Variants in TWIST1 observed in about 807,000 individuals in gnomAD.
TWIST1 encodes the protein twist-related protein 1.
In TWIST1, 8 loss-of-function variants were observed where a neutral mutation model predicts 12.9. That is an observed-to-expected ratio of 0.62 (90% confidence interval 0.37 to 1.12). The LOEUF (loss-of-function observed/expected upper bound fraction) is 1.12, where lower values mean the gene tolerates loss of function less well. TWIST1 is among the 50% of genes most tolerant of loss of function. The pLI, the probability that TWIST1 is intolerant of heterozygous loss-of-function variation, is 0.02. For missense variants in TWIST1, 268 were observed against 299.7 expected (o/e 0.89, Z 0.78); for synonymous variants, 169 against 138.7 (o/e 1.22, Z -1.54).
Position 19,117,551 on chromosome 7 carries a change from A to G in TWIST1, c.-230T>C. 2 of 1,140,498 alleles carry G rather than the reference A, an allele frequency of 1.8e-6. No homozygotes were observed. The highest frequency in any genetic ancestry group is 2.2e-6 in the Non-Finnish European group (2 of 919,916). 70.6% of individuals were successfully genotyped at this position (1,140,498 alleles called of 1,614,324 possible). ...GTGGATGGCCCCGAGGTCCAAAAAG[A>G]AAGCGCCCAACGGCTGGACGCACAC... On this transcript the variant is annotated 5_prime_UTR_variant, in exon 1 of 2. Transcript: ENST00000242261.
At position 19,117,325 on chromosome 7, in the gene TWIST1, T is replaced by A; in HGVS notation, c.-4A>T. On this transcript the variant is annotated 5_prime_UTR_variant, in exon 1 of 2. Coordinates refer to ENST00000242261, the MANE Select transcript of TWIST1 (RefSeq NM_000474.4). ...AGCTGGACACGTCCTGCATCATCTCTCGAGCGGCGACGCGTGGCCTCGCGG... is the reference window on the plus strand; with the variant it reads ...AGCTGGACACGTCCTGCATCATCTCACGAGCGGCGACGCGTGGCCTCGCGG... 6.8e-7 allele frequency: 1 copy of A among 1,461,108 alleles called. No individual in the cohort carries two copies. The highest frequency in any genetic ancestry group is 9.0e-7 in the Non-Finnish European group (1 of 1,108,694). 90.5% of individuals were successfully genotyped at this position (1,461,108 alleles called of 1,614,324 possible).
rs761167660 is a variant in TWIST1, at chr7:19,117,269, C to T, written c.53G>A (p.Ser18Asn). ...SPVSPADDSL[S>N]NSEEEPDRQQ... The stretch of plus-strand genomic sequence containing the variant: ...CCGGTCTGGCTCTTCCTCGCTGTTG[C>T]TCAGGCTGTCGTCGGCCGGCGAGAC... Residue 18 changes from serine (S) to asparagine (N), a missense_variant, in exon 1 of 2, where the codon AGC becomes AAC. By Grantham distance (46) the Ser-to-Asn change is conservative. Transcript: ENST00000242261. 72 of 1,473,498 alleles carry T rather than the reference C, an allele frequency of 4.9e-5. No homozygotes were observed. The highest frequency in any genetic ancestry group is 6.2e-5 in the Non-Finnish European group (69 of 1,116,202). 91.3% of individuals were successfully genotyped at this position (1,473,498 alleles called of 1,614,324 possible).
chr7:19,116,522 G>T (rs1005793813), intron 1 of TWIST1, 149 bp downstream of exon 1: 4 of 703,772 alleles, frequency 5.7e-6, no homozygotes, highest in African/African-American at 5.4e-5. Context: ...GGGGACGCTG[G>T]GGGCGCGAGG....
At position 19,117,297 on chromosome 7, in the gene TWIST1, G is replaced by A; in HGVS notation, c.25C>T (p.Pro9Ser). Reference sequence around the variant, plus strand: ...AGGCTGTCGTCGGCCGGCGAGACTGGCGAGCTGGACACGTCCTGCATCATC... The same window carrying A: ...AGGCTGTCGTCGGCCGGCGAGACTGACGAGCTGGACACGTCCTGCATCATC... MMQDVSSSPVSPADDSLSN... is the reference protein window; with the variant it reads MMQDVSSSSVSPADDSLSN... Residue 9 changes from proline to serine, a missense_variant, in exon 1 of 2, where the codon CCA becomes TCA. Around this residue, in one of 2 missense-constraint regions of TWIST1, gnomAD observed 189 missense variants for 172.1 expected, o/e 1.10. Coordinates refer to ENST00000242261, the MANE Select transcript of TWIST1 (RefSeq NM_000474.4). 3 of 1,476,072 alleles carry A rather than the reference G, an allele frequency of 2.0e-6. No individual in the cohort carries two copies. Among genetic ancestry groups the A allele is most frequent in the Non-Finnish European group, 2.7e-6 (3 of 1,117,104 alleles). The allele number at this position is 1,476,072 out of a possible 1,614,324, so 91.4% of individuals were successfully genotyped here.
In TWIST1 at chr7:19,116,666, C is replaced by G. The variant is rs757830026; in HGVS notation, c.*42+5G>C. 6.4e-7 allele frequency: 1 copy of G among 1,556,524 alleles called. No homozygotes were observed. The highest frequency in any genetic ancestry group is 1.2e-5 in the South Asian group (1 of 84,760). On this transcript the variant is annotated splice_donor_5th_base_variant and intron_variant, in intron 1 of 1. Coordinates refer to ENST00000242261, the MANE Select transcript of TWIST1 (RefSeq NM_000474.4). ...GGCGAAGGGGTGCAGCGGCGCGGTC[C>G]TTACCTAGGTCTCCGGCCCTGCTGA...
Position 19,117,503 on chromosome 7 carries a change from A to C in TWIST1, c.-182T>G. 1 of 1,151,218 alleles carries C rather than the reference A, an allele frequency of 8.7e-7. No homozygotes were observed. The highest frequency in any genetic ancestry group is 1.1e-6 in the Non-Finnish European group (1 of 925,770). The allele number at this position is 1,151,218 out of a possible 1,614,324, so 71.3% of individuals were successfully genotyped here. On this transcript the variant is annotated 5_prime_UTR_variant, in exon 1 of 2. Transcript: ENST00000242261. ...GGGCGCGCGGGGGAGGCGGGGAGGG[A>C]GGCGGGAGGGGGAGGGGACGGTGTG...
At chr7:19,116,511 C>T (rs901268371) in intron 1 of TWIST1, among the ~76,000 whole-genome samples, 160 bp downstream of exon 1, 1 of 152,132 alleles carries the variant, frequency 6.6e-6, no homozygotes, top group African/African-American at 2.4e-5. Flanking sequence ...ACCGGCCTTC[C>T]GGGGACGCTG....
At chr7:19,116,421 C>A (rs565381752) in intron 1 of TWIST1, among the ~76,000 whole-genome samples, 19 of 152,340 alleles carry the variant, frequency 1.2e-4, no homozygotes, top group African/African-American at 4.1e-4. Flanking sequence ...TGTCTCCCCT[C>A]CTGTCACGCA....
Position 19,117,171 on chromosome 7 carries a change from C to T in TWIST1, c.151G>A (p.Gly51Arg). 4 of 1,106,776 alleles carry T rather than the reference C, an allele frequency of 3.6e-6. No homozygotes were observed. The highest frequency in any genetic ancestry group is 4.4e-6 in the Non-Finnish European group (4 of 912,260). 68.6% of individuals were successfully genotyped at this position (1,106,776 alleles called of 1,614,324 possible). The change falls in exon 1 of 2, where the codon GGG becomes AGG. Residue 51 changes from glycine (G) to arginine (R), a missense_variant. Physicochemically the swap from Gly to Arg is moderately radical, Grantham distance 125 (BLOSUM62 -2). Coordinates refer to ENST00000242261, the MANE Select transcript of TWIST1 (RefSeq NM_000474.4). ...SSRRSAGGGA[G>R]PGGAAGGGVG... ...CCCCCACCCGCGGCTCCGCCGGGCCCCGCGCCGCCGCCCGCGCTGCGCCTG... is the reference window on the plus strand; with the variant it reads ...CCCCCACCCGCGGCTCCGCCGGGCCTCGCGCCGCCGCCCGCGCTGCGCCTG...
chr7:19,113,531 G>A (rs960295254), downstream of TWIST1: 2 of 152,142 alleles, frequency 1.3e-5, no homozygotes, highest in Non-Finnish European at 2.9e-5. Flanking sequence ...AGAATTTCAC[G>A]ATTTATGTCT....
chr7:19,117,395 T>C lies in TWIST1; in HGVS notation c.-74A>G. ...AGCGGGGCGCCTCAGCCCGCCAGCT[T>C]CCCCCGCGCGCGGCGCCGGCCCGGG... On this transcript the variant is annotated 5_prime_UTR_variant, in exon 1 of 2. Coordinates refer to ENST00000242261, the MANE Select transcript of TWIST1 (RefSeq NM_000474.4). The C allele has an allele frequency of 7.7e-7, 1 of 1,297,318 alleles. No individual in the cohort carries two copies. Among genetic ancestry groups the C allele is most frequent in the Non-Finnish European group, 9.8e-7 (1 of 1,018,212 alleles). 80.4% of individuals were successfully genotyped at this position (1,297,318 alleles called of 1,614,324 possible).
downstream of TWIST1, among the ~76,000 whole-genome samples, chr7:19,114,642 G>C (rs1054618781): frequency 6.6e-6 from 1 of 152,132 alleles, no homozygotes; most frequent in South Asian, 2.1e-4. Flanking sequence ...GTGTATGTAT[G>C]ATCTCACCAG....
Position 19,117,053 on chromosome 7 carries a change from C to G in TWIST1, c.269G>C (p.Gly90Ala), listed in dbSNP as rs1437382015. ...CCCGCCGCCGCTGCTGCTGCCGCCG[C>G]CGCCGCCCGCGCCGCCGCCGCCGCC... Reference protein sequence around the residue: ...GCGGGGGAGGGGGSSSGGGSP... With the variant: ...GCGGGGGAGGAGGSSSGGGSP... Residue 90 changes from glycine (G) to alanine (A), a missense_variant, in exon 1 of 2, where the codon GGC becomes GCC. Gly to Ala is a moderately conservative substitution (Grantham distance 60, BLOSUM62 0). Coordinates refer to ENST00000242261, the MANE Select transcript of TWIST1 (RefSeq NM_000474.4). 2.1e-6 allele frequency: 3 copies of G among 1,417,430 alleles called. No homozygotes were observed. The Admixed American group carries it at 9.4e-5, about 45-fold the overall frequency. The allele number at this position is 1,417,430 out of a possible 1,614,324, so 87.8% of individuals were successfully genotyped here.
chr7:19,117,487 GGGGAGGCGGGGA>G lies in TWIST1; in HGVS notation c.-178_-167del, dbSNP rs1158095976. The stretch of plus-strand genomic sequence containing the variant: ...GGGACCTCCGCGGGGAGGGCGCGCG[GGGGAGGCGGGGA>G]GGGAGGCGGGAGGGGGAGGGGACGG... On this transcript the variant is annotated 5_prime_UTR_variant, in exon 1 of 2. Transcript: ENST00000242261. The G allele has an allele frequency of 1.3e-5, 15 of 1,191,854 alleles. No individual in the cohort carries two copies. The highest frequency in any genetic ancestry group is 4.9e-5 in the African/African-American group (3 of 61,558). The allele number at this position is 1,191,854 out of a possible 1,614,324, so 73.8% of individuals were successfully genotyped here. A position where few individuals can be genotyped will look rare whatever the true frequency, so the allele number is the denominator to read the frequency against.
Position 19,116,853 on chromosome 7 carries a change from C to T in TWIST1, c.469G>A (p.Asp157Asn). 6.2e-7 allele frequency: 1 copy of T among 1,614,126 alleles called. No homozygotes were observed. Among genetic ancestry groups the T allele is most frequent in the Non-Finnish European group, 8.5e-7 (1 of 1,179,992 alleles). Reference sequence around the variant, plus strand: ...CTCTGGAGGACCTGGTAGAGGAAGTCGATGTACCTGGCCGCCAGCTTGAGG... The same window carrying T: ...CTCTGGAGGACCTGGTAGAGGAAGTTGATGTACCTGGCCGCCAGCTTGAGG... ...QTLKLAARYI[D>N]FLYQVLQSDE... The change falls in exon 1 of 2, where the codon GAC becomes AAC. Residue 157 changes from aspartate to asparagine, a missense_variant. Physicochemically the swap from Asp to Asn is conservative, Grantham distance 23 (BLOSUM62 1). Transcript: ENST00000242261.
At position 19,117,417 on chromosome 7, in the gene TWIST1, C is replaced by G; in HGVS notation, c.-96G>C. ...GCTTCCCCCGCGCGCGGCGCCGGCC[C>G]GGGCGATGCGGCCCGCGGAGGAGAG... On this transcript the variant is annotated 5_prime_UTR_variant, in exon 1 of 2. Coordinates refer to ENST00000242261, the MANE Select transcript of TWIST1 (RefSeq NM_000474.4). 1.7e-6 allele frequency: 2 copies of G among 1,206,468 alleles called. No homozygotes were observed. The highest frequency in any genetic ancestry group is 2.1e-6 in the Non-Finnish European group (2 of 967,496). 74.7% of individuals were successfully genotyped at this position (1,206,468 alleles called of 1,614,324 possible).
At chr7:19,116,633 A>T in intron 1 of TWIST1, 38 bp downstream of exon 1, 1 of 1,487,250 alleles carries the variant, frequency 6.7e-7, no homozygotes, top group Non-Finnish European at 9.0e-7. Context: ...GCCGTCTGCC[A>T]CCTGAGAGGC....
chr7:19,115,198 G>A (rs192688918), downstream of TWIST1, among the ~76,000 whole-genome samples: 56 of 152,278 alleles, frequency 3.7e-4, no homozygotes, highest in African/African-American at 1.3e-3. Context: ...TAAAAAGGAG[G>A]TGAATAGCAA....
chr7:19,117,441 A>C lies in TWIST1; in HGVS notation c.-120T>G, dbSNP rs1367316820. On this transcript the variant is annotated 5_prime_UTR_variant, in exon 1 of 2. Coordinates refer to ENST00000242261, the MANE Select transcript of TWIST1 (RefSeq NM_000474.4). Reference sequence around the variant, plus strand: ...CCGGGCGATGCGGCCCGCGGAGGAGAGAGCAGGAGGACGGACGGGAGGGAC... The same window carrying C: ...CCGGGCGATGCGGCCCGCGGAGGAGCGAGCAGGAGGACGGACGGGAGGGAC... 4.2e-6 allele frequency: 5 copies of C among 1,194,518 alleles called. No homozygotes were observed. Among genetic ancestry groups the C allele is most frequent in the East Asian group, 7.9e-5 (2 of 25,274 alleles). 74.0% of individuals were successfully genotyped at this position (1,194,518 alleles called of 1,614,324 possible).
Sources: allele counts gnomAD v4.1 joint callset (sites outside exome capture counted in the v4.1 genomes callset), GRCh38; gene constraint gnomAD v4.1.1; regional missense constraint gnomAD v4.1.1; transcripts MANE v1.5; gene names NCBI Gene and HGNC (gene_info 2026-07-23, HGNC 2026-07-21).